ENPP6: variants seen among roughly 807,000 people sequenced by gnomAD.
The protein encoded by ENPP6 is ectonucleotide pyrophosphatase/phosphodiesterase 6.
A neutral mutation model predicts 42.0 loss-of-function variants in ENPP6; 32 were observed. That is an observed-to-expected ratio of 0.76 (90% CI 0.58 to 1.02). The LOEUF (loss-of-function observed/expected upper bound fraction) is 1.02. Ranked by LOEUF, ENPP6 falls within the 50% of genes least tolerant of loss-of-function variation. The pLI, the probability that ENPP6 is intolerant of heterozygous loss-of-function variation, is 0.00. For synonymous variants in ENPP6, 213 were observed against 216.0 expected (o/e 0.99, Z 0.12); for missense variants, 552 against 566.8 (o/e 0.97, Z 0.27).
At chr4:184,122,424 A>ACCACCC (rs1736433111) in intron 3 of ENPP6, among the ~76,000 whole-genome samples, 1 of 141,572 alleles carries the variant, frequency 7.1e-6, no homozygotes, top group African/African-American at 2.6e-5. Context: ...CACCACCACC[A>ACCACCC]CCACCACCAC....
At chr4:184,096,832 G>A (rs1410219963) in intron 7 of ENPP6, among the ~76,000 whole-genome samples, 1 of 152,090 alleles carries the variant, frequency 6.6e-6, no homozygotes, top group African/African-American at 2.4e-5. Context: ...CTCGAGACGG[G>A]AAGGACCGTG....
At chr4:184,143,992 C>G (rs79923875) in intron 2 of ENPP6, among the ~76,000 whole-genome samples, 8,501 of 152,290 alleles carry the variant, frequency 0.056, 688 homozygotes, top group African/African-American at 0.18. Flanking sequence ...CCTCTAACAG[C>G]GCCCTGGATC....
intron 2 of ENPP6, among the ~76,000 whole-genome samples, chr4:184,126,351 A>T (rs1736502728): frequency 6.6e-6 from 1 of 152,208 alleles, no homozygotes. Context: ...GATTAATTAC[A>T]TGTAAAATTC....
At chr4:184,181,866 G>A (rs1732561733) in intron 1 of ENPP6, among the ~76,000 whole-genome samples, 1 of 151,930 alleles carries the variant, frequency 6.6e-6, no homozygotes. Flanking sequence ...AACTCAAGAT[G>A]GATTAAAGAC....
chr4:184,200,155 C>A (rs528915989), intron 1 of ENPP6, among the ~76,000 whole-genome samples: 1 of 152,320 alleles, frequency 6.6e-6, no homozygotes, highest in South Asian at 2.1e-4. Flanking sequence ...ACAATAAAAG[C>A]AGCCAAGAAC....
intron 3 of ENPP6, among the ~76,000 whole-genome samples, chr4:184,119,756 T>G (rs1002494680): frequency 2.0e-5 from 3 of 152,058 alleles, no homozygotes; most frequent in Non-Finnish European, 4.4e-5. Flanking sequence ...GATATTGCTA[T>G]TCTCATGATC....
At chr4:184,120,055 C>A (rs1289779483) in intron 3 of ENPP6, among the ~76,000 whole-genome samples, 1 of 152,168 alleles carries the variant, frequency 6.6e-6, no homozygotes, top group East Asian at 1.9e-4. Flanking sequence ...GTGTATAAAG[C>A]ACTTGACACA....
At position 184,109,438 on chromosome 4, in the gene ENPP6, A is replaced by T. The variant is rs145626241; in HGVS notation, c.993+3234T>A. On this transcript the variant is annotated intron_variant, in intron 6 of 7. Coordinates refer to ENST00000296741, the MANE Select transcript of ENPP6 (RefSeq NM_153343.4). ...TGTAAAATAACTTTCTATGCATGTC[A>T]TTGAAGCTTTGGGGGAGGGGTCATT... Among the ~76,000 whole-genome samples, 1,253 of 152,202 alleles carry T rather than the reference A, an allele frequency of 8.2e-3. 10 individuals are homozygous for T. Among genetic ancestry groups the T allele is most frequent in the Non-Finnish European group, 0.011 (732 of 68,020 alleles).
intron 1 of ENPP6, among the ~76,000 whole-genome samples, chr4:184,209,178 C>T (rs1386867037): frequency 3.3e-5 from 5 of 151,542 alleles, no homozygotes; most frequent in East Asian, 1.9e-4. Context: ...AAGCAGAGCG[C>T]CTCTCCTCTT....
intron 2 of ENPP6, among the ~76,000 whole-genome samples, chr4:184,147,924 A>G (rs961069520): frequency 6.6e-6 from 1 of 150,860 alleles, no homozygotes; most frequent in Admixed American, 6.6e-5. Flanking sequence ...CATGCTTCCC[A>G]CCCCATCCAG....
Position 184,152,927 on chromosome 4 carries a change from GT to G in ENPP6, c.421+626del, listed in dbSNP as rs35794133. Reference sequence around the variant, plus strand: ...CAATGACGTATGGAAATGGTACACTGTTTTTTTTTTTGTAAAGCAAGTAAGC... The same window carrying G: ...CAATGACGTATGGAAATGGTACACTGTTTTTTTTTTGTAAAGCAAGTAAGC... On this transcript the variant is annotated intron_variant, in intron 2 of 7. Coordinates refer to ENST00000296741, the MANE Select transcript of ENPP6 (RefSeq NM_153343.4). 8.1e-3 allele frequency among the ~76,000 whole-genome samples: 1,189 copies of G among 146,616 alleles called. 19 individuals are homozygous for G. Among genetic ancestry groups the G allele is most frequent in the African/African-American group, 0.028 (1,119 of 39,990 alleles).
At chr4:184,142,557 G>C (rs904150066) in intron 2 of ENPP6, among the ~76,000 whole-genome samples, 3 of 152,208 alleles carry the variant, frequency 2.0e-5, no homozygotes, top group Non-Finnish European at 4.4e-5. Flanking sequence ...AAGAGGGTGG[G>C]CTAGCCTGAG....
At chr4:184,160,889 A>C (rs1436381760) in intron 1 of ENPP6, among the ~76,000 whole-genome samples, 1 of 152,184 alleles carries the variant, frequency 6.6e-6, no homozygotes, top group Non-Finnish European at 1.5e-5. Flanking sequence ...CTCACATGAA[A>C]TATTCATGAG....
intron 2 of ENPP6, among the ~76,000 whole-genome samples, chr4:184,150,204 T>A (rs975519863): frequency 6.6e-6 from 1 of 152,162 alleles, no homozygotes; most frequent in Non-Finnish European, 1.5e-5. Context: ...TTGAACTATA[T>A]TAAACGCCTC....
intron 1 of ENPP6, among the ~76,000 whole-genome samples, chr4:184,178,986 G>C (rs888494643): frequency 6.6e-6 from 1 of 152,132 alleles, no homozygotes; most frequent in Non-Finnish European, 1.5e-5. Flanking sequence ...AAAATAACCA[G>C]CTAGCATCAT....
At chr4:184,123,542 C>T (rs1736454231) in intron 3 of ENPP6, among the ~76,000 whole-genome samples, 1 of 152,184 alleles carries the variant, frequency 6.6e-6, no homozygotes, top group South Asian at 2.1e-4. Flanking sequence ...CCCACTTGGG[C>T]TCCCATCTTG....
At chr4:184,165,080 G>A (rs1737326759) in intron 1 of ENPP6, among the ~76,000 whole-genome samples, 2 of 152,204 alleles carry the variant, frequency 1.3e-5, no homozygotes, top group African/African-American at 4.8e-5. Flanking sequence ...CCAGGTGGAA[G>A]GTCTTGGGGC....
intron 7 of ENPP6, among the ~76,000 whole-genome samples, chr4:184,095,614 G>T (rs1226898453): frequency 1.3e-5 from 2 of 150,884 alleles, no homozygotes; most frequent in African/African-American, 4.9e-5. Flanking sequence ...GAGCTGAGAT[G>T]GCACCATTGC....
In ENPP6 at chr4:184,112,495, G is replaced by A. The variant is rs549427911; in HGVS notation, c.993+177C>T. On this transcript the variant is annotated intron_variant, in intron 6 of 7. Coordinates refer to ENST00000296741, the MANE Select transcript of ENPP6 (RefSeq NM_153343.4). ...TGACTCTGGGTTCGCGTCTACAGTT[G>A]TGTCTACAAAGTTACCCGATCAAGA... The A allele has an allele frequency of 2.2e-4, 164 of 760,842 alleles. No homozygotes were observed. The African/African-American group carries it at 2.7e-3, about 13-fold the overall frequency. 47.1% of individuals were successfully genotyped at this position (760,842 alleles called of 1,614,324 possible).
Sources: gnomAD v4.1 joint callset for allele counts (sites outside exome capture counted in the v4.1 genomes callset) on GRCh38, gnomAD v4.1.1 for gene constraint, MANE v1.5 for transcripts, NCBI Gene and HGNC (gene_info 2026-07-23, HGNC 2026-07-21) for gene names.